MPDZ: variants seen among roughly 807,000 people sequenced by gnomAD.
MPDZ encodes the protein multiple PDZ domain protein.
MPDZ carries 234 observed loss-of-function variants against 239.1 expected under a neutral mutation model. That is an observed-to-expected ratio of 0.98 (90% CI 0.88 to 1.09). The LOEUF (loss-of-function observed/expected upper bound fraction) is 1.09. Ranked by LOEUF, MPDZ falls within the 50% of genes least tolerant of loss-of-function variation. The pLI is 0.00. For missense variants in MPDZ, 3,175 were observed against 2,510.0 expected, an observed-to-expected ratio of 1.26 and a Z score of -5.66; for synonymous variants, 1,048 against 881.3, an observed-to-expected ratio of 1.19 and a Z score of -3.35.
At chr9:13,221,605 A>C in intron 6 of MPDZ, 105 bp from the exon 7 acceptor site, 1 of 1,217,330 alleles carries the variant, frequency 8.2e-7, no homozygotes, top group East Asian at 2.6e-5. Flanking sequence ...TAAATAATTA[A>C]ATTCAGACAT....
chr9:13,189,075 A>G, intron 16 of MPDZ, 82 bp from the exon 17 acceptor site: 3 of 1,198,376 alleles, frequency 2.5e-6, no homozygotes, highest in Non-Finnish European at 3.5e-6. Flanking sequence ...ATCGTAACGA[A>G]TGAGTAATTG....
intron 1 of MPDZ, among the ~76,000 whole-genome samples, chr9:13,252,713 G>A (rs887029599): frequency 6.6e-6 from 1 of 152,044 alleles, no homozygotes; most frequent in Non-Finnish European, 1.5e-5. Flanking sequence ...GCTGGGCGTG[G>A]TGCATGTGCC....
chr9:13,181,630 G>C (rs1271299035), intron 19 of MPDZ, among the ~76,000 whole-genome samples: 1 of 152,138 alleles, frequency 6.6e-6, no homozygotes, highest in Non-Finnish European at 1.5e-5. Context: ...TTCAACAAAA[G>C]AGTAAACTGC....
At chr9:13,198,731 C>CTGTGTGTGTG (rs1402399099) in intron 12 of MPDZ, among the ~76,000 whole-genome samples, 2 of 4,438 alleles carry the variant, frequency 4.5e-4, no homozygotes, top group South Asian at 7.9e-3. Context: ...TCTTTAATCT[C>CTGTGTGTGTG]TCTCTCTGTG....
chr9:13,259,309 G>T (rs535367926), intron 1 of MPDZ, among the ~76,000 whole-genome samples: 1 of 151,768 alleles, frequency 6.6e-6, no homozygotes, highest in Non-Finnish European at 1.5e-5. Context: ...ACTCCAGCCT[G>T]GGCAACAGAG....
intron 10 of MPDZ, among the ~76,000 whole-genome samples, chr9:13,206,832 G>A (rs1360829741): frequency 6.6e-6 from 1 of 152,066 alleles, no homozygotes; most frequent in Non-Finnish European, 1.5e-5. Context: ...GTGAGCCACT[G>A]CACCCGGCCT....
chr9:13,223,670 G>C lies in MPDZ; in HGVS notation c.434C>G (p.Ser145Cys), dbSNP rs770759053. ...VEVFELLKPPSGGLGFSVVGL... is the reference protein window; with the variant it reads ...VEVFELLKPPCGGLGFSVVGL... ...CACAACACTAAACCCAAGGCCTCCA[G>C]ATGGAGGTTTGAGGAGCTCAAAAAC... The change falls in exon 5 of 47, where the codon TCT becomes TGT. Residue 145 changes from serine (S) to cysteine (C), a missense_variant. Transcript: ENST00000319217. The C allele has an allele frequency of 1.4e-5, 22 of 1,611,142 alleles. No homozygotes were observed. Among genetic ancestry groups the C allele is most frequent in the Non-Finnish European group, 1.8e-5 (21 of 1,178,476 alleles).
At chr9:13,152,983 A>C (rs919498574) in intron 24 of MPDZ, among the ~76,000 whole-genome samples, 1 of 152,144 alleles carries the variant, frequency 6.6e-6, no homozygotes, top group Non-Finnish European at 1.5e-5. Flanking sequence ...ACAGAACTTT[A>C]AGGAGATGAT....
chr9:13,117,761 TAAAAC>T (rs1482553598), intron 39 of MPDZ, among the ~76,000 whole-genome samples: 1 of 150,660 alleles, frequency 6.6e-6, no homozygotes, highest in African/African-American at 2.4e-5. Flanking sequence ...CAATTACTAA[TAAAAC>T]AAAAATAAGC....
In MPDZ at chr9:13,150,464, A is replaced by G. The variant is rs759868581; in HGVS notation, c.3630+47T>C. 9.5e-6 allele frequency: 13 copies of G among 1,370,266 alleles called. 1 individual carries two copies. The Middle Eastern group carries it at 6.3e-4, about 66-fold the overall frequency. 84.9% of individuals were successfully genotyped at this position (1,370,266 alleles called of 1,614,324 possible). On this transcript the variant is annotated intron_variant, in intron 25 of 46. Coordinates refer to ENST00000319217, the MANE Select transcript of MPDZ (RefSeq NM_001378778.1). ...TAGTAAAATTAAAAAATAAATAAAT[A>G]AAACAAAACAAACAAATTTTAGCAC... is the stretch of plus-strand genomic sequence containing the variant.
At chr9:13,138,416 A>T (rs1018284551) in intron 28 of MPDZ, among the ~76,000 whole-genome samples, 2 of 152,160 alleles carry the variant, frequency 1.3e-5, no homozygotes, top group Non-Finnish European at 2.9e-5. Context: ...TGGTTACACC[A>T]AAGAGAAGTA....
At chr9:13,191,447 T>C (rs1316165477) in intron 15 of MPDZ, among the ~76,000 whole-genome samples, 1 of 152,258 alleles carries the variant, frequency 6.6e-6, no homozygotes, top group South Asian at 2.1e-4. Flanking sequence ...GAAAAGCTGA[T>C]TAGCTCCATT....
Position 13,205,127 on chromosome 9 carries a change from T to C in MPDZ, c.1475-20A>G, listed in dbSNP as rs1163168298. ...AATTTTCTTAAAGATAAAAATATTT[T>C]AGTAATTTTATCTTTAGTATAATCA... On this transcript the variant is annotated intron_variant, in intron 11 of 46. Transcript: ENST00000319217. The C allele has an allele frequency of 1.6e-6, 2 of 1,285,568 alleles. No homozygotes were observed. The highest frequency in any genetic ancestry group is 2.8e-5 in the East Asian group (1 of 35,732). The allele number at this position is 1,285,568 out of a possible 1,614,324, so 79.6% of individuals were successfully genotyped here. A position where few individuals can be genotyped will look rare whatever the true frequency, so the allele number is the denominator to read the frequency against.
At chr9:13,150,242 T>C (rs193134516) in intron 25 of MPDZ, among the ~76,000 whole-genome samples, 1 of 152,086 alleles carries the variant, frequency 6.6e-6, no homozygotes, top group East Asian at 1.9e-4. Context: ...TATCAAAACA[T>C]ATAATCTGTC....
chr9:13,210,511 G>A (rs901663170), intron 10 of MPDZ, among the ~76,000 whole-genome samples: 6 of 151,662 alleles, frequency 4.0e-5, no homozygotes, highest in Non-Finnish European at 8.8e-5. Context: ...GTCACCTGCA[G>A]AAGAGGCAAT....
Position 13,255,545 on chromosome 9 carries a change from G to A in MPDZ, c.-57-5173C>T, listed in dbSNP as rs1969230878. ...AAGACTTGAAAGTCAAAATTACTCT[G>A]TGGTCCAGGGGCTGCAGAATGGATG... On this transcript the variant is annotated intron_variant, in intron 1 of 46. Transcript: ENST00000319217. 2.0e-5 allele frequency among the ~76,000 whole-genome samples: 3 copies of A among 152,298 alleles called. No homozygotes were observed. The South Asian group carries it at 6.2e-4, about 32-fold the overall frequency.
chr9:13,112,883 T>A (rs569045295), intron 42 of MPDZ, 128 bp downstream of exon 42: 3 of 883,812 alleles, frequency 3.4e-6, no homozygotes, highest in African/African-American at 1.7e-5. Flanking sequence ...TTATTTCACA[T>A]GTAATATGTA....
intron 1 of MPDZ, among the ~76,000 whole-genome samples, chr9:13,261,905 C>G (rs530299919): frequency 2.7e-5 from 4 of 150,650 alleles, no homozygotes; most frequent in Admixed American, 2.0e-4. Flanking sequence ...ATTAGCCAGG[C>G]GTAGAGGCAC....
At chr9:13,207,541 C>T (rs886816292) in intron 10 of MPDZ, among the ~76,000 whole-genome samples, 1 of 152,224 alleles carries the variant, frequency 6.6e-6, no homozygotes, top group African/African-American at 2.4e-5. Context: ...CATGCTCTTT[C>T]TCAATAGCTT....
Sources: gnomAD v4.1 joint callset for allele counts (sites outside exome capture counted in the v4.1 genomes callset) on GRCh38, gnomAD v4.1.1 for gene constraint, MANE v1.5 for transcripts, NCBI Gene and HGNC (gene_info 2026-07-23, HGNC 2026-07-21) for gene names.